Variants in RCOR1 observed in about 807,000 individuals in gnomAD.
RCOR1 encodes the protein REST corepressor.
A neutral mutation model predicts 64.0 loss-of-function variants in RCOR1; 12 were observed. The observed-to-expected ratio is 0.19, with a 90% CI of 0.12 to 0.30. The LOEUF is 0.30. Among genes scored for constraint, RCOR1 ranks in the 10% least tolerant of loss-of-function variants. The pLI is 1.00. For missense variants in RCOR1, 502 were observed against 621.2 expected (o/e 0.81, Z 2.04); for synonymous variants, 279 against 227.2 (o/e 1.23, Z -2.05).
intron 3 of RCOR1, among the ~76,000 whole-genome samples, chr14:102,696,875 C>CT (rs1160783019): frequency 0.011 from 880 of 77,282 alleles, 10 homozygotes; most frequent in African/African-American, 0.037. Context: ...GGGTTGAAAG[C>CT]TTTTTTTTTT....
chr14:102,701,864 A>G (rs1488844401), intron 4 of RCOR1, among the ~76,000 whole-genome samples: 2 of 152,164 alleles, frequency 1.3e-5, no homozygotes, highest in African/African-American at 4.8e-5. Context: ...AGTAGCTGAG[A>G]TTACAGGTGC....
chr14:102,718,372 G>C (rs1202091268), intron 8 of RCOR1, among the ~76,000 whole-genome samples: 2 of 152,170 alleles, frequency 1.3e-5, no homozygotes, highest in Non-Finnish European at 2.9e-5. Flanking sequence ...CTGTGTGCCC[G>C]TGCGTTGCGT....
intron 2 of RCOR1, among the ~76,000 whole-genome samples, chr14:102,663,661 C>T (rs1292842805): frequency 1.3e-5 from 2 of 152,122 alleles, no homozygotes; most frequent in Non-Finnish European, 2.9e-5. Context: ...AATATCAATA[C>T]AGCCTTGCCC....
chr14:102,635,813 G>A (rs1035652691), intron 2 of RCOR1, among the ~76,000 whole-genome samples: 4 of 152,236 alleles, frequency 2.6e-5, no homozygotes, highest in South Asian at 2.1e-4. Flanking sequence ...TGAGCCAGGC[G>A]TGGTGTCATG....
At chr14:102,614,870 C>T (rs1183970253) in intron 2 of RCOR1, among the ~76,000 whole-genome samples, 17 of 149,868 alleles carry the variant, frequency 1.1e-4, no homozygotes, top group Non-Finnish European at 3.0e-5. Context: ...CTCGCTCTGT[C>T]GCCCAGGCTG....
At chr14:102,617,699 C>T (rs1394961953) in intron 2 of RCOR1, among the ~76,000 whole-genome samples, 6 of 150,904 alleles carry the variant, frequency 4.0e-5, no homozygotes, top group Admixed American at 1.3e-4. Flanking sequence ...AAGGGATTCT[C>T]CTGCCTCAGG....
At position 102,729,754 on chromosome 14, in the gene RCOR1, G is replaced by T; in HGVS notation, c.*3248G>T. ...ATTCTAAATATCAGATGTACTATTG[G>T]TATAATTGCACACCAAAAATAAGCC... is the stretch of plus-strand genomic sequence containing the variant. On this transcript the variant is annotated 3_prime_UTR_variant, in exon 12 of 12. Transcript: ENST00000262241. 7.5e-6 allele frequency: 3 copies of T among 398,558 alleles called. No individual in the cohort carries two copies. The allele number at this position is 398,558 out of a possible 1,614,324, so 24.7% of individuals were successfully genotyped here.
intron 3 of RCOR1, among the ~76,000 whole-genome samples, chr14:102,685,808 CA>C (rs1307072112): frequency 6.6e-6 from 1 of 151,966 alleles, no homozygotes; most frequent in Non-Finnish European, 1.5e-5. Flanking sequence ...TCAAAAAGTC[CA>C]AAAGTTAGCT....
intron 2 of RCOR1, among the ~76,000 whole-genome samples, chr14:102,593,634 C>T (rs1188755127): frequency 6.6e-6 from 1 of 152,196 alleles, no homozygotes; most frequent in African/African-American, 2.4e-5. Flanking sequence ...GGGGTCCCTG[C>T]GTCCAGGTGA....
intron 8 of RCOR1, among the ~76,000 whole-genome samples, chr14:102,719,546 A>G (rs564191519): frequency 6.6e-6 from 1 of 152,270 alleles, no homozygotes; most frequent in South Asian, 2.1e-4. Flanking sequence ...GATGGTTTCC[A>G]GCTTCATCCA....
At chr14:102,608,064 A>C (rs903892977) in intron 2 of RCOR1, among the ~76,000 whole-genome samples, 9 of 152,180 alleles carry the variant, frequency 5.9e-5, no homozygotes, top group Non-Finnish European at 1.2e-4. Context: ...TCAAAAAAAA[A>C]AACAACAAAA....
At chr14:102,724,506 A>G (rs59457020) in intron 11 of RCOR1, among the ~76,000 whole-genome samples, 19,483 of 151,806 alleles carry the variant, frequency 0.13, 1,524 homozygotes, top group African/African-American at 0.21. Flanking sequence ...TAATTTTTGT[A>G]TTTTTAGTAG....
intron 2 of RCOR1, among the ~76,000 whole-genome samples, chr14:102,674,876 C>T (rs1275737737): frequency 2.0e-5 from 3 of 151,828 alleles, no homozygotes; most frequent in Non-Finnish European, 4.4e-5. Context: ...CTGGCTAACA[C>T]GGTGAAACCC....
At chr14:102,659,063 A>G (rs1894780484) in intron 2 of RCOR1, 7 of 913,694 alleles carry the variant, frequency 7.7e-6, no homozygotes, top group Non-Finnish European at 9.2e-6. Context: ...GAATATTTAC[A>G]TAAATTATTT....
At chr14:102,721,218 A>T in intron 9 of RCOR1, 102 bp from the exon 10 acceptor site, 1 of 1,163,448 alleles carries the variant, frequency 8.6e-7, no homozygotes, top group African/African-American at 1.5e-5. Flanking sequence ...AACCCAGTTG[A>T]TGTTAAAATT....
intron 2 of RCOR1, among the ~76,000 whole-genome samples, chr14:102,618,308 A>G (rs1482301189): frequency 2.0e-5 from 3 of 151,928 alleles, no homozygotes; most frequent in Non-Finnish European, 2.9e-5. Flanking sequence ...TCATCAGTAT[A>G]TATTTCTTTG....
At chr14:102,714,745 A>T in intron 8 of RCOR1, 128 bp downstream of exon 8, 1 of 688,708 alleles carries the variant, frequency 1.5e-6, no homozygotes, top group Non-Finnish European at 2.4e-6. Context: ...AAGGAATTGG[A>T]CAGATCTTAA....
chr14:102,666,233 A>T (rs1019817115), intron 2 of RCOR1, among the ~76,000 whole-genome samples: 1 of 152,192 alleles, frequency 6.6e-6, no homozygotes, highest in Non-Finnish European at 1.5e-5. Flanking sequence ...TGAGGGTGAG[A>T]CATAGGTTAG....
intron 3 of RCOR1, among the ~76,000 whole-genome samples, chr14:102,696,851 CAT>C (rs1445161582): frequency 8.7e-6 from 1 of 115,250 alleles, no homozygotes; most frequent in Non-Finnish European, 1.8e-5. Context: ...GCTGGGAACA[CAT>C]TTTATTTTCT....
Sources: allele counts gnomAD v4.1 joint callset (sites outside exome capture counted in the v4.1 genomes callset), GRCh38; gene constraint gnomAD v4.1.1; transcripts MANE v1.5; gene names NCBI Gene and HGNC (gene_info 2026-07-23, HGNC 2026-07-21).